Variants in ZNF385B observed in about 807,000 individuals in gnomAD.
ZNF385B encodes the protein zinc finger protein 533.
Under a neutral mutation model 39.2 loss-of-function variants are expected in ZNF385B, and 23 were observed. The observed-to-expected ratio is 0.59, with a 90% confidence interval of 0.42 to 0.83. ZNF385B has a LOEUF of 0.83. Ranked by LOEUF, ZNF385B falls within the 40% of genes least tolerant of loss-of-function variation. The pLI is 0.00. For synonymous variants in ZNF385B, 205 were observed against 222.6 expected, an observed-to-expected ratio of 0.92 and a Z score of 0.70; for missense variants, 552 against 598.9, an observed-to-expected ratio of 0.92 and a Z score of 0.82.
intron 1 of ZNF385B, among the ~76,000 whole-genome samples, chr2:179,803,493 T>G: frequency 6.6e-6 from 1 of 152,182 alleles, no homozygotes; most frequent in East Asian, 1.9e-4. Context: ...TATATAAAAT[T>G]ATTTTAAAGA....
At chr2:179,462,715 G>A (rs1010663943) in intron 6 of ZNF385B, among the ~76,000 whole-genome samples, 2 of 152,126 alleles carry the variant, frequency 1.3e-5, no homozygotes, top group Non-Finnish European at 2.9e-5. Context: ...GCACAAAAAA[G>A]GAGTATTCAT....
At chr2:179,477,298 A>G (rs982638235) in intron 6 of ZNF385B, among the ~76,000 whole-genome samples, 31 of 152,356 alleles carry the variant, frequency 2.0e-4, no homozygotes, top group African/African-American at 7.2e-4. Context: ...GTGACCACAA[A>G]AAGCTAAACT....
intron 6 of ZNF385B, among the ~76,000 whole-genome samples, chr2:179,453,225 G>A (rs1447595249): frequency 6.6e-6 from 1 of 152,102 alleles, no homozygotes; most frequent in Non-Finnish European, 1.5e-5. Context: ...TTGCACTTTT[G>A]TTAATGTTAA....
intron 3 of ZNF385B, among the ~76,000 whole-genome samples, chr2:179,696,760 C>T (rs971720167): frequency 6.6e-6 from 1 of 152,080 alleles, no homozygotes; most frequent in Non-Finnish European, 1.5e-5. Flanking sequence ...TATCAACATA[C>T]GTATTATATA....
chr2:179,639,239 A>AG (rs1692043186), intron 3 of ZNF385B, among the ~76,000 whole-genome samples: 1 of 144,740 alleles, frequency 6.9e-6, no homozygotes, highest in African/African-American at 2.4e-5. Flanking sequence ...AAAAAAAAAA[A>AG]AAAAAAAAAA....
At chr2:179,493,667 G>GTATACGCATATGTATACA (rs2055638206) in intron 5 of ZNF385B, among the ~76,000 whole-genome samples, 1 of 93,876 alleles carries the variant, frequency 1.1e-5, no homozygotes, top group African/African-American at 3.8e-5. Context: ...ATATGTATAT[G>GTATACGCATATGTATACA]CATATGCATA....
intron 3 of ZNF385B, among the ~76,000 whole-genome samples, chr2:179,634,264 G>GGGAGAAAATTTCTCC (rs1313340015): frequency 6.6e-6 from 1 of 152,078 alleles, no homozygotes; most frequent in Non-Finnish European, 1.5e-5. Context: ...GAGTGATCAG[G>GGGAGAAAATTTCTCC]CAACCTACAG....
chr2:179,500,428 C>T (rs1481834079), intron 5 of ZNF385B, among the ~76,000 whole-genome samples: 1 of 151,988 alleles, frequency 6.6e-6, no homozygotes, highest in East Asian at 1.9e-4. Flanking sequence ...ACTAGAGAAC[C>T]CAGAAACAAA....
intron 3 of ZNF385B, among the ~76,000 whole-genome samples, chr2:179,767,678 G>C (rs1221691226): frequency 6.6e-6 from 1 of 152,088 alleles, no homozygotes; most frequent in Non-Finnish European, 1.5e-5. Flanking sequence ...ACAGTAGATA[G>C]TGTACGCATG....
At chr2:179,489,595 T>G (rs2054981544) in intron 5 of ZNF385B, among the ~76,000 whole-genome samples, 1 of 152,228 alleles carries the variant, frequency 6.6e-6, no homozygotes, top group Non-Finnish European at 1.5e-5. Flanking sequence ...AATAATTACT[T>G]GAGTCACTGT....
At chr2:179,841,291 G>A (rs796600366) in intron 1 of ZNF385B, among the ~76,000 whole-genome samples, 6 of 152,326 alleles carry the variant, frequency 3.9e-5, no homozygotes, top group African/African-American at 1.4e-4. Flanking sequence ...GGGGAAAATG[G>A]TTGACATTAA....
intron 3 of ZNF385B, among the ~76,000 whole-genome samples, chr2:179,560,852 C>T (rs534345397): frequency 6.6e-6 from 1 of 152,304 alleles, no homozygotes; most frequent in African/African-American, 2.4e-5. Context: ...TGCTTCAGGA[C>T]AAGTTTGTCC....
chr2:179,571,988 C>T (rs1373777145), intron 3 of ZNF385B, among the ~76,000 whole-genome samples: 2 of 149,052 alleles, frequency 1.3e-5, no homozygotes, highest in African/African-American at 5.0e-5. Flanking sequence ...TTTTCCAGAT[C>T]CCTTCCTGTG....
At chr2:179,860,429 G>A (rs140992062) in intron 1 of ZNF385B, among the ~76,000 whole-genome samples, 208 of 152,136 alleles carry the variant, frequency 1.4e-3, no homozygotes, top group African/African-American at 4.7e-3. Context: ...TAACAGTGGC[G>A]AAACAGATGG....
chr2:179,630,447 A>C (rs576127436), intron 3 of ZNF385B, among the ~76,000 whole-genome samples: 2 of 152,334 alleles, frequency 1.3e-5, no homozygotes, highest in East Asian at 3.9e-4. Context: ...TTAGAAGGAA[A>C]ACTAATAAAC....
chr2:179,704,443 C>T (rs1016970384), intron 3 of ZNF385B, among the ~76,000 whole-genome samples: 2 of 152,108 alleles, frequency 1.3e-5, no homozygotes, highest in Non-Finnish European at 2.9e-5. Context: ...TTACAGGAAG[C>T]ATGTATGGCT....
chr2:179,781,667 A>G (rs1447357686), intron 1 of ZNF385B, among the ~76,000 whole-genome samples: 2 of 152,152 alleles, frequency 1.3e-5, no homozygotes, highest in South Asian at 2.1e-4. Flanking sequence ...AAAACAACCA[A>G]CATAAACTAC....
At chr2:179,537,870 C>A (rs1408474863) in intron 4 of ZNF385B, among the ~76,000 whole-genome samples, 1 of 151,830 alleles carries the variant, frequency 6.6e-6, no homozygotes, top group African/African-American at 2.4e-5. Flanking sequence ...TTCAAAGATT[C>A]CCTATAACTA....
At chr2:179,822,306 A>ACATCAC (rs1366362250) in intron 1 of ZNF385B, among the ~76,000 whole-genome samples, 3 of 152,248 alleles carry the variant, frequency 2.0e-5, no homozygotes, top group Non-Finnish European at 2.9e-5. Flanking sequence ...AGAGCTTAAT[A>ACATCAC]CATCACTTCA....
Sources: gnomAD v4.1 joint callset for allele counts (sites outside exome capture counted in the v4.1 genomes callset) on GRCh38, gnomAD v4.1.1 for gene constraint, MANE v1.5 for transcripts, NCBI Gene and HGNC (gene_info 2026-07-23, HGNC 2026-07-21) for gene names.